The following CPNE2 variants were observed in gnomAD, a reference collection of about 807,000 sequenced individuals.
The protein encoded by CPNE2 is copine-2.
A neutral mutation model predicts 69.7 loss-of-function variants in CPNE2; 42 were observed. The observed-to-expected ratio is 0.60, with a 90% CI of 0.47 to 0.78. The LOEUF (loss-of-function observed/expected upper bound fraction) is 0.78, where lower values mean the gene tolerates loss of function less well. Ranked by LOEUF, CPNE2 falls within the 30% of genes least tolerant of loss-of-function variation. The probability of loss-of-function intolerance (pLI) is 0.00; values close to 1 mark genes in which losing one functional copy is unlikely to be tolerated. For synonymous variants in CPNE2, 294 were observed against 289.8 expected (o/e 1.01, Z -0.15); for missense variants, 587 against 732.0 (o/e 0.80, Z 2.29).
intron 14 of CPNE2, chr16:57,141,563 T>C (rs1211399541): frequency 6.6e-6 from 1 of 152,260 alleles, no homozygotes; most frequent in Admixed American, 6.5e-5. Flanking sequence ...CCTCCTGCCT[T>C]ACCTTATCCC....
In CPNE2 at chr16:57,113,291, G is replaced by C; in HGVS notation, c.184G>C (p.Asp62His). The C allele has an allele frequency of 6.2e-7, 1 of 1,613,710 alleles. No individual in the cohort carries two copies. The highest frequency in any genetic ancestry group is 8.5e-7 in the Non-Finnish European group (1 of 1,179,752). Reference protein sequence around the residue: ...TENNGRWIEYDRTETAINNLN... With the variant: ...TENNGRWIEYHRTETAINNLN... ...CATTTTCCTGCCCCTCTGCTAGTAC[G>C]ACAGGACAGAAACCGCGATCAACAA... Residue 62 changes from aspartate (D) to histidine (H), a missense_variant, in exon 3 of 16, where the codon GAC becomes CAC. Physicochemically the swap from Asp to His is moderately conservative, Grantham distance 81. This residue lies in a region of CPNE2 where 96 missense variants were observed against 94.9 expected (regional missense o/e 1.01). Coordinates refer to ENST00000290776, the MANE Select transcript of CPNE2 (RefSeq NM_152727.6).
At chr16:57,115,649 T>C (rs2069713859) in intron 4 of CPNE2, 99 bp downstream of exon 4, 1 of 856,252 alleles carries the variant, frequency 1.2e-6, no homozygotes, top group Non-Finnish European at 1.8e-6. Context: ...ACCAGCTTTG[T>C]TTGGAGTAAA....
chr16:57,124,417 C>T (rs528287798), intron 10 of CPNE2: 56 of 456,194 alleles, frequency 1.2e-4, no homozygotes, highest in Non-Finnish European at 2.2e-4. Context: ...ACTTGCCGCC[C>T]CGAGATTCAT....
Position 57,117,565 on chromosome 16 carries a change from A to G in CPNE2, c.505A>G (p.Lys169Glu), listed in dbSNP as rs770480715. Reference protein sequence around the residue: ...LSLAGRRLDKKDLFGKSDPFL... With the variant: ...LSLAGRRLDKEDLFGKSDPFL... ...CCTGGCGGGCAGGAGGCTGGACAAGAAGGTAAGGCGGGCAGAGGAAGGGCT... is the reference window on the plus strand; with the variant it reads ...CCTGGCGGGCAGGAGGCTGGACAAGGAGGTAAGGCGGGCAGAGGAAGGGCT... Residue 169 changes from lysine (K) to glutamate (E), a missense_variant and splice_region_variant, in exon 5 of 16, where the codon AAG becomes GAG. Coordinates refer to ENST00000290776, the MANE Select transcript of CPNE2 (RefSeq NM_152727.6). The G allele has an allele frequency of 1.2e-6, 2 of 1,613,674 alleles. No individual in the cohort carries two copies. Among genetic ancestry groups the G allele is most frequent in the Non-Finnish European group, 1.7e-6 (2 of 1,179,840 alleles).
chr16:57,117,523 C>T lies in CPNE2; in HGVS notation c.463C>T (p.Arg155Cys), dbSNP rs1422402313. 23 of 1,613,812 alleles carry T rather than the reference C, an allele frequency of 1.4e-5. No homozygotes were observed. The highest frequency in any genetic ancestry group is 1.8e-5 in the Non-Finnish European group (21 of 1,179,938). ...CGCTGCCCAGGAGCTGTCCGACAAC[C>T]GCGTCATCACACTAAGCCTGGCGGG... ...TIAAQELSDN[R>C]VITLSLAGRR... The change falls in exon 5 of 16, where the codon CGC becomes TGC. Residue 155 changes from arginine to cysteine, a missense_variant. By Grantham distance (180) the Arg-to-Cys change is radical (BLOSUM62 -3). This residue lies in a region of CPNE2 where 269 missense variants were observed against 300.5 expected (regional missense o/e 0.90). Transcript: ENST00000290776.
chr16:57,132,315 G>T lies in CPNE2; in HGVS notation c.1117-2460G>T, dbSNP rs79844737. On this transcript the variant is annotated intron_variant, in intron 12 of 15. Transcript: ENST00000290776. Reference sequence around the variant, plus strand: ...TGGCATGAGGTCTTGGCCCTTCAACGTGAGCAGAGTTACTCAGATGAGGAA... The same window carrying T: ...TGGCATGAGGTCTTGGCCCTTCAACTTGAGCAGAGTTACTCAGATGAGGAA... 3.7e-3 allele frequency among the ~76,000 whole-genome samples: 568 copies of T among 152,308 alleles called. 1 individual carries two copies. The highest frequency in any genetic ancestry group is 0.012 in the African/African-American group (517 of 41,574).
At chr16:57,134,313 G>A (rs560539494) in intron 12 of CPNE2, among the ~76,000 whole-genome samples, 59 of 152,292 alleles carry the variant, frequency 3.9e-4, no homozygotes, top group African/African-American at 9.1e-4. Flanking sequence ...GCTGTCTGGC[G>A]CAAGGCAGGC....
In CPNE2 at chr16:57,123,487, C is replaced by G. The variant is rs775685097; in HGVS notation, c.927+14C>G. 1.2e-6 allele frequency: 2 copies of G among 1,612,538 alleles called. No individual in the cohort carries two copies. Among genetic ancestry groups the G allele is most frequent in the East Asian group, 2.2e-5 (1 of 44,886 alleles). ...CTCATGTTCACCGTAAGGCTCTCCC[C>G]GCTGGCTCCCTCTGCACCCCCATCC... On this transcript the variant is annotated intron_variant, in intron 10 of 15. Transcript: ENST00000290776.
chr16:57,119,443 G>GT, intron 6 of CPNE2, 118 bp from the exon 7 acceptor site: 1 of 1,128,706 alleles, frequency 8.9e-7, no homozygotes, highest in Non-Finnish European at 1.3e-6. Flanking sequence ...GCTCACTTCT[G>GT]TCTCTGGAAG....
At chr16:57,105,732 A>G (rs1384024167) in intron 1 of CPNE2, among the ~76,000 whole-genome samples, 1 of 152,128 alleles carries the variant, frequency 6.6e-6, no homozygotes, top group East Asian at 1.9e-4. Flanking sequence ...AAAAGAGACC[A>G]CTAGTTTCAT....
rs778835319 is a variant in CPNE2 at position 57,137,272 on chromosome 16, G to A, written c.1292G>A (p.Arg431Gln). The A allele has an allele frequency of 2.5e-5, 41 of 1,613,992 alleles. No individual in the cohort carries two copies. Among genetic ancestry groups the A allele is most frequent in the Non-Finnish European group, 3.1e-5 (36 of 1,180,024 alleles). Residue 431 changes from arginine (R) to glutamine (Q), a missense_variant, in exon 14 of 16, where the codon CGG becomes CAG. Arg to Gln is a conservative substitution (Grantham distance 43, BLOSUM62 1). This residue lies in a region of CPNE2 where 185 missense variants were observed against 252.3 expected (regional missense o/e 0.73). Coordinates refer to ENST00000290776, the MANE Select transcript of CPNE2 (RefSeq NM_152727.6). ...ARFAAQATQQ[R>Q]TATQYFILLI... is the part of the protein sequence containing the mutation. The stretch of plus-strand genomic sequence containing the variant: ...TTTGCGGCCCAGGCCACACAACAGC[G>A]GACGGCCACGGTGAGTAGGCAGCTG...
At chr16:57,098,671 G>A (rs2069593892) in intron 1 of CPNE2, among the ~76,000 whole-genome samples, 1 of 152,176 alleles carries the variant, frequency 6.6e-6, no homozygotes. Context: ...CTAGTCCCGG[G>A]CCTCTACAAT....
intron 6 of CPNE2, 136 bp from the exon 7 acceptor site, chr16:57,119,425 A>C (rs1463745677): frequency 2.2e-5 from 24 of 1,115,258 alleles, no homozygotes; most frequent in Non-Finnish European, 3.0e-5. Context: ...CCTCCCAGCC[A>C]CAGGGACGCT....
intron 1 of CPNE2, among the ~76,000 whole-genome samples, chr16:57,103,734 C>T (rs1011373035): frequency 8.5e-5 from 13 of 152,218 alleles, no homozygotes; most frequent in Admixed American, 8.5e-4. Context: ...GCAGCTCCTC[C>T]CCGACAGTGA....
At position 57,121,186 on chromosome 16, in the gene CPNE2, G is replaced by A. The variant is rs375359412; in HGVS notation, c.775G>A (p.Val259Ile). The A allele has an allele frequency of 1.1e-5, 18 of 1,613,586 alleles. No individual in the cohort carries two copies. Among genetic ancestry groups the A allele is most frequent in the Non-Finnish European group, 1.3e-5 (15 of 1,179,674 alleles). ...VSQMCEARDS[V>I]PLEFECINPK... ...ACAGATGTGTGAGGCTCGAGACAGCGTCCCGGTGAGATGGGCACGTGTACT... is the reference window on the plus strand; with the variant it reads ...ACAGATGTGTGAGGCTCGAGACAGCATCCCGGTGAGATGGGCACGTGTACT... The change falls in exon 8 of 16, where the codon GTC (valine) becomes ATC (isoleucine). Residue 259 changes from valine (V) to isoleucine (I), a missense_variant. By Grantham distance (29) the Val-to-Ile change is conservative (BLOSUM62 3). This residue lies in a region of CPNE2 where 269 missense variants were observed against 300.5 expected (regional missense o/e 0.90). Transcript: ENST00000290776.
intron 11 of CPNE2, among the ~76,000 whole-genome samples, chr16:57,127,479 T>C (rs1207363835): frequency 6.6e-6 from 1 of 152,166 alleles, no homozygotes. Flanking sequence ...TTTCCCCAGC[T>C]ATGAGCAGGA....
At chr16:57,140,451 T>G (rs1198027431) in intron 14 of CPNE2, among the ~76,000 whole-genome samples, 1 of 143,824 alleles carries the variant, frequency 7.0e-6, no homozygotes, top group African/African-American at 2.6e-5. Flanking sequence ...GGATTACAGG[T>G]GTGAGCCACT....
chr16:57,133,390 C>T (rs1156548333), intron 12 of CPNE2, among the ~76,000 whole-genome samples: 1 of 152,200 alleles, frequency 6.6e-6, no homozygotes, highest in Non-Finnish European at 1.5e-5. Flanking sequence ...ACTGCTGGGT[C>T]CCTGCCCTCT....
intron 1 of CPNE2, among the ~76,000 whole-genome samples, chr16:57,099,089 C>T (rs1412472333): frequency 6.6e-6 from 1 of 152,178 alleles, no homozygotes; most frequent in African/African-American, 2.4e-5. Flanking sequence ...GCACCAAAGC[C>T]CCCGGTGTCC....
Sources: allele counts gnomAD v4.1 joint callset (sites outside exome capture counted in the v4.1 genomes callset), GRCh38; gene constraint gnomAD v4.1.1; regional missense constraint gnomAD v4.1.1; transcripts MANE v1.5; gene names NCBI Gene and HGNC (gene_info 2026-07-23, HGNC 2026-07-21).